The following ASTN2 variants were observed in gnomAD, a reference collection of about 807,000 sequenced individuals.
ASTN2 encodes the protein astrotactin 2.
Under a neutral mutation model 139.8 loss-of-function variants are expected in ASTN2, and 54 were observed. The ratio of observed to expected loss-of-function variants is 0.39; its 90% CI spans 0.31 to 0.48. ASTN2 has a LOEUF of 0.48. Among genes scored for constraint, ASTN2 ranks in the 20% least tolerant of loss-of-function variants. ASTN2 has a pLI of 0.95. For synonymous variants in ASTN2, 756 were observed against 719.5 expected, an observed-to-expected ratio of 1.05 and a Z score of -0.81; for missense variants, 1,565 against 1,725.1, an observed-to-expected ratio of 0.91 and a Z score of 1.64.
intron 10 of ASTN2, among the ~76,000 whole-genome samples, chr9:116,960,652 T>C (rs948682018): frequency 2.6e-5 from 4 of 151,888 alleles, no homozygotes; most frequent in South Asian, 4.2e-4. Flanking sequence ...ACCCTCCCAG[T>C]TGTAACCCCC....
chr9:116,867,518 C>A, intron 10 of ASTN2, among the ~76,000 whole-genome samples: 1 of 141,846 alleles, frequency 7.0e-6, no homozygotes, highest in Non-Finnish European at 1.5e-5. Flanking sequence ...CCACTGCACT[C>A]CAGCCTGGGC....
At chr9:116,713,183 A>G (rs1025672563) in intron 16 of ASTN2, among the ~76,000 whole-genome samples, 4 of 152,212 alleles carry the variant, frequency 2.6e-5, no homozygotes, top group African/African-American at 4.8e-5. Flanking sequence ...TATTTGTTAA[A>G]TTAAGGATCT....
chr9:117,227,529 T>C (rs375215382), intron 2 of ASTN2, among the ~76,000 whole-genome samples: 2 of 152,272 alleles, frequency 1.3e-5, no homozygotes, highest in African/African-American at 4.8e-5. Context: ...CATGAGTAAA[T>C]AGATAGATGT....
At chr9:117,249,411 C>G (rs1014862409) in intron 2 of ASTN2, among the ~76,000 whole-genome samples, 2 of 152,176 alleles carry the variant, frequency 1.3e-5, no homozygotes, top group Non-Finnish European at 2.9e-5. Context: ...TATTTTCACT[C>G]TGATTCTCCT....
chr9:116,434,369 A>C (rs2118840556), intron 22 of ASTN2, among the ~76,000 whole-genome samples: 1 of 152,306 alleles, frequency 6.6e-6, no homozygotes, highest in Admixed American at 6.5e-5. Context: ...AATATATCCA[A>C]AGAAGCAGTT....
At chr9:117,198,115 T>C (rs10983572) in intron 3 of ASTN2, among the ~76,000 whole-genome samples, 49,637 of 151,806 alleles carry the variant, frequency 0.33, 8,262 homozygotes, top group East Asian at 0.43. Flanking sequence ...GTTTGTCACA[T>C]AGGTATACAT....
At chr9:116,549,473 G>T (rs958902413) in intron 19 of ASTN2, among the ~76,000 whole-genome samples, 2 of 152,164 alleles carry the variant, frequency 1.3e-5, no homozygotes, top group South Asian at 4.1e-4. Context: ...TCCCAGCTGG[G>T]GCCCCAGGCC....
intron 20 of ASTN2, among the ~76,000 whole-genome samples, chr9:116,486,332 T>A (rs1280159570): frequency 6.6e-6 from 1 of 152,170 alleles, no homozygotes; most frequent in Non-Finnish European, 1.5e-5. Flanking sequence ...AATGAATATG[T>A]GAATGAAGTA....
chr9:117,157,881 A>G (rs1010015234), intron 3 of ASTN2, among the ~76,000 whole-genome samples: 3 of 152,036 alleles, frequency 2.0e-5, no homozygotes, highest in African/African-American at 7.2e-5. Flanking sequence ...ACACTGTCAG[A>G]GATATACTTA....
intron 10 of ASTN2, among the ~76,000 whole-genome samples, chr9:116,920,398 T>C (rs1834572012): frequency 6.6e-6 from 1 of 152,156 alleles, no homozygotes. Context: ...GGGAACAGCA[T>C]GAAAGAGGCC....
In ASTN2 at chr9:116,814,038, G is replaced by GAA. The variant is rs1331893512; in HGVS notation, c.2207+6577_2207+6578dup. ...GTGACAGAGCAAGACTCTGTCTCAA[G>GAA]AAAAAAAAAAAAAAAAGAGAGAGAG... On this transcript the variant is annotated intron_variant, in intron 12 of 22. Transcript: ENST00000313400. Among the ~76,000 whole-genome samples the GAA allele has an allele frequency of 7.1e-3, 628 of 88,008 alleles. 3 individuals carry two copies. Among genetic ancestry groups the GAA allele is most frequent in the Non-Finnish European group, 0.011 (403 of 38,000 alleles). 57.7% of individuals were successfully genotyped at this position (88,008 alleles called of 152,430 possible).
intron 19 of ASTN2, among the ~76,000 whole-genome samples, chr9:116,505,589 T>C (rs999834445): frequency 6.6e-6 from 1 of 152,184 alleles, no homozygotes; most frequent in South Asian, 2.1e-4. Context: ...AAGGATTCAA[T>C]GTGTAAAATA....
chr9:116,656,682 CAAAAAA>C (rs33989865), intron 16 of ASTN2, among the ~76,000 whole-genome samples: 7 of 109,866 alleles, frequency 6.4e-5, no homozygotes, highest in Admixed American at 1.9e-4. Flanking sequence ...TTGTTGCCAC[CAAAAAA>C]AAAAAAAAAA....
intron 19 of ASTN2, among the ~76,000 whole-genome samples, chr9:116,609,379 G>GTATATATATATATATATATATATATA (rs56938236): frequency 3.0e-4 from 35 of 116,716 alleles, no homozygotes; most frequent in African/African-American, 3.6e-4. Flanking sequence ...ATATATGGGT[G>GTATATATATATATATATATATATATA]TATATATATA....
chr9:116,870,695 G>A (rs528058442), intron 10 of ASTN2, among the ~76,000 whole-genome samples: 3 of 152,164 alleles, frequency 2.0e-5, no homozygotes, highest in Non-Finnish European at 4.4e-5. Context: ...GTACAAATGC[G>A]TCACCTGGAT....
intron 17 of ASTN2, among the ~76,000 whole-genome samples, chr9:116,637,980 T>A (rs1857153693): frequency 6.6e-6 from 1 of 152,124 alleles, no homozygotes; most frequent in Non-Finnish European, 1.5e-5. Context: ...GTTCTAGTAG[T>A]GGTGGAACAG....
At chr9:116,991,444 A>T (rs1375292394) in intron 7 of ASTN2, among the ~76,000 whole-genome samples, 1 of 152,176 alleles carries the variant, frequency 6.6e-6, no homozygotes, top group Non-Finnish European at 1.5e-5. Context: ...AAGTATTGCC[A>T]GCATTGGGGG....
chr9:116,495,149 C>A (rs1849631186), intron 19 of ASTN2, among the ~76,000 whole-genome samples: 1 of 152,208 alleles, frequency 6.6e-6, no homozygotes, highest in South Asian at 2.1e-4. Flanking sequence ...GAATAGTGAT[C>A]TAGCAAATAC....
chr9:116,941,598 A>G (rs1342802249), intron 10 of ASTN2, among the ~76,000 whole-genome samples: 1 of 151,890 alleles, frequency 6.6e-6, no homozygotes, highest in African/African-American at 2.4e-5. Flanking sequence ...GCTACAGAAA[A>G]AAAAAAAAAA....
Sources: gnomAD v4.1 joint callset for allele counts (sites outside exome capture counted in the v4.1 genomes callset) on GRCh38, gnomAD v4.1.1 for gene constraint, MANE v1.5 for transcripts, NCBI Gene and HGNC (gene_info 2026-07-23, HGNC 2026-07-21) for gene names.